LEPR: variants seen among roughly 807,000 people sequenced by gnomAD.
The protein encoded by LEPR is OB receptor.
Under a neutral mutation model 114.7 loss-of-function variants are expected in LEPR, and 56 were observed. The ratio of observed to expected loss-of-function variants is 0.49; its 90% confidence interval spans 0.39 to 0.61. The LOEUF (loss-of-function observed/expected upper bound fraction) is 0.61, where lower values mean the gene tolerates loss of function less well. Ranked by LOEUF, LEPR falls within the 20% of genes least tolerant of loss-of-function variation. The probability of loss-of-function intolerance (pLI) is 0.00; values close to 1 mark genes in which losing one functional copy is unlikely to be tolerated. For synonymous variants in LEPR, 443 were observed against 461.4 expected (o/e 0.96, Z 0.51); for missense variants, 1,202 against 1,352.9 (o/e 0.89, Z 1.75).
Position 65,604,648 on chromosome 1 carries a change from G to A in LEPR, c.1404-390G>A, listed in dbSNP as rs571079777. On this transcript the variant is annotated intron_variant, in intron 10 of 19. Coordinates refer to ENST00000349533, the MANE Select transcript of LEPR (RefSeq NM_002303.6). ...CTGTCTTTTAAACTTGGGGTCCCCAGTCCCTGGGCCACGGACCGGTACCTG... is the reference window on the plus strand; with the variant it reads ...CTGTCTTTTAAACTTGGGGTCCCCAATCCCTGGGCCACGGACCGGTACCTG... 4.3e-4 allele frequency among the ~76,000 whole-genome samples: 65 copies of A among 152,310 alleles called. 1 individual carries two copies. The highest frequency in any genetic ancestry group is 5.3e-4 in the Non-Finnish European group (36 of 68,022).
In LEPR at chr1:65,601,594, C is replaced by G. The variant is rs1452037419; in HGVS notation, c.1197C>G (p.Thr399=). Residue 399 remains threonine, a synonymous_variant, in exon 9 of 20, where the codon ACC becomes ACG. Transcript: ENST00000349533. ...TTACTTTTTTCAATCTGAATGAAACCAAACCTCGAGGAAAGTTTACCTATG... is the reference window on the plus strand; with the variant it reads ...TTACTTTTTTCAATCTGAATGAAACGAAACCTCGAGGAAAGTTTACCTATG... ...SKVTFFNLNE[T]KPRGKFTYDA... 6.2e-7 allele frequency: 1 copy of G among 1,613,506 alleles called. No individual in the cohort carries two copies. The highest frequency in any genetic ancestry group is 1.3e-5 in the African/African-American group (1 of 74,866).
chr1:65,498,470 A>G (rs908081393), intron 2 of LEPR, among the ~76,000 whole-genome samples: 10 of 152,152 alleles, frequency 6.6e-5, no homozygotes, highest in African/African-American at 2.4e-4. Context: ...GAGAGTGGTA[A>G]ATGCAGAGTA....
chr1:65,592,857 T>G lies in LEPR; in HGVS notation c.695T>G (p.Ile232Arg), dbSNP rs200960432. ...TCACCTCTAATGTCAGTTCAGCCCA[T>G]AAATATGGGTAAGTTATGCACTAAA... Reference protein sequence around the residue: ...FQSPLMSVQPINMVKPDPPLG... With the variant: ...FQSPLMSVQPRNMVKPDPPLG... The change falls in exon 6 of 20, where the codon ATA becomes AGA. Residue 232 changes from isoleucine (I) to arginine (R), a missense_variant. Physicochemically the swap from Ile to Arg is moderately conservative, Grantham distance 97. Transcript: ENST00000349533. 61 of 1,612,982 alleles carry G rather than the reference T, an allele frequency of 3.8e-5. No homozygotes were observed. In the Admixed American group the frequency reaches 1.0e-3, roughly 26 times the overall value.
chr1:65,465,124 C>T (rs923332451), intron 2 of LEPR, among the ~76,000 whole-genome samples: 4 of 152,046 alleles, frequency 2.6e-5, no homozygotes, highest in African/African-American at 9.7e-5. Context: ...GATAGGGTGT[C>T]GATTTTAGAT....
intron 2 of LEPR, among the ~76,000 whole-genome samples, chr1:65,449,860 ATCTT>A (rs1420745383): frequency 6.6e-6 from 1 of 151,802 alleles, no homozygotes; most frequent in Non-Finnish European, 1.5e-5. Context: ...TTGATTTTAT[ATCTT>A]TCTTCCTTTC....
Position 65,605,191 on chromosome 1 carries a change from A to G in LEPR, c.1557A>G (p.Leu519=). The change falls in exon 11 of 20, where the codon CTA becomes CTG. Residue 519 remains leucine (L), a synonymous_variant. Coordinates refer to ENST00000349533, the MANE Select transcript of LEPR (RefSeq NM_002303.6). ...YTMWIRINHS[L]GSLDSPPTCV... The stretch of plus-strand genomic sequence containing the variant: ...TGTGGATTAGGATCAATCACTCTCT[A>G]GGTTCACTTGACTCTCCACCAACAT... 1.9e-6 allele frequency: 3 copies of G among 1,614,122 alleles called. No individual in the cohort carries two copies. Among genetic ancestry groups the G allele is most frequent in the Non-Finnish European group, 2.5e-6 (3 of 1,180,010 alleles).
At chr1:65,522,197 A>T (rs556261773) in intron 2 of LEPR, among the ~76,000 whole-genome samples, 2 of 152,268 alleles carry the variant, frequency 1.3e-5, no homozygotes, top group East Asian at 3.9e-4. Flanking sequence ...TGTAGTGGAT[A>T]TATGTGCTTT....
rs780306196 is a variant in LEPR at position 65,616,001 on chromosome 1, A to G, written c.1996-7A>G. ...CTTAAACTAATCAATTTCTATATTT[A>G]CTACAGCCCCTGATGAAAAATGACT... On this transcript the variant is annotated splice_region_variant and splice_polypyrimidine_tract_variant and intron_variant, in intron 14 of 19. Coordinates refer to ENST00000349533, the MANE Select transcript of LEPR (RefSeq NM_002303.6). The G allele has an allele frequency of 6.2e-7, 1 of 1,614,114 alleles. No homozygotes were observed. Among genetic ancestry groups the G allele is most frequent in the Admixed American group, 1.7e-5 (1 of 60,020 alleles).
chr1:65,634,474 A>G, intron 19 of LEPR: 3 of 949,438 alleles, frequency 3.2e-6, no homozygotes, highest in Non-Finnish European at 3.8e-6. Flanking sequence ...GAAATTTTTT[A>G]AATGGATATA....
Position 65,633,079 on chromosome 1 carries a change from A to G in LEPR, c.2674-3112A>G. 1 of 1,138,178 alleles carries G rather than the reference A, an allele frequency of 8.8e-7. No individual in the cohort carries two copies. Among genetic ancestry groups the G allele is most frequent in the Non-Finnish European group, 1.3e-6 (1 of 767,086 alleles). The allele number at this position is 1,138,178 out of a possible 1,614,324, so 70.5% of individuals were successfully genotyped here. Reference sequence around the variant, plus strand: ...AACCCATGCTTGACAATGTTTTTTGAAATCTTTTATCTTTTTCTTTGTGAG... The same window carrying G: ...AACCCATGCTTGACAATGTTTTTTGGAATCTTTTATCTTTTTCTTTGTGAG... On this transcript the variant is annotated intron_variant, in intron 19 of 19. Coordinates refer to ENST00000349533, the MANE Select transcript of LEPR (RefSeq NM_002303.6). The surrounding 1 kb of genome is among the most constrained non-coding windows in gnomAD (Gnocchi z 4.1).
At chr1:65,517,771 A>G (rs1268219362) in intron 2 of LEPR, among the ~76,000 whole-genome samples, 2 of 152,220 alleles carry the variant, frequency 1.3e-5, no homozygotes, top group South Asian at 2.1e-4. Flanking sequence ...CTATTTAAAA[A>G]TATCTATGAT....
chr1:65,444,156 G>C, intron 2 of LEPR, among the ~76,000 whole-genome samples: 1 of 26,230 alleles, frequency 3.8e-5, no homozygotes, highest in Admixed American at 5.8e-4. Context: ...CCCTTCCTGT[G>C]TCCATGTGAT....
chr1:65,614,717 G>C (rs980323158), intron 14 of LEPR, among the ~76,000 whole-genome samples: 3 of 152,192 alleles, frequency 2.0e-5, no homozygotes, highest in African/African-American at 7.2e-5. Context: ...ATATAGGTAT[G>C]AACTTATATC....
At chr1:65,607,613 T>C (rs1656897260) in intron 11 of LEPR, among the ~76,000 whole-genome samples, 1 of 152,254 alleles carries the variant, frequency 6.6e-6, no homozygotes, top group Admixed American at 6.5e-5. Flanking sequence ...GACATGACTA[T>C]GTAAATGTAG....
chr1:65,583,086 A>C (rs1237202714), intron 5 of LEPR, among the ~76,000 whole-genome samples: 1 of 152,228 alleles, frequency 6.6e-6, no homozygotes, highest in East Asian at 1.9e-4. Flanking sequence ...AGACAGACAG[A>C]ACTGTGATTC....
rs1220757006 is a variant in LEPR, at chr1:65,640,662, C to T, written c.*3647C>T. 5 of 152,044 alleles carry T rather than the reference C, an allele frequency of 3.3e-5. No individual in the cohort carries two copies. Among genetic ancestry groups the T allele is most frequent in the Non-Finnish European group, 7.4e-5 (5 of 68,018 alleles). 9.4% of individuals were successfully genotyped at this position (152,044 alleles called of 1,614,324 possible). ...GGCGAACAACTTAAAACATGATCAG[C>T]CTGTATGAGAACTGGGATATTGTTA... is the stretch of plus-strand genomic sequence containing the variant. On this transcript the variant is annotated 3_prime_UTR_variant, in exon 20 of 20. Transcript: ENST00000349533.
chr1:65,628,177 T>G (rs1658329182), intron 19 of LEPR, among the ~76,000 whole-genome samples: 1 of 152,172 alleles, frequency 6.6e-6, no homozygotes. Context: ...TGATTAAAAA[T>G]AATTTTGCCA....
intron 2 of LEPR, among the ~76,000 whole-genome samples, chr1:65,481,998 G>A (rs1647256259): frequency 6.6e-6 from 1 of 151,908 alleles, no homozygotes; most frequent in South Asian, 2.1e-4. Context: ...TGATTAAAAA[G>A]TTTAGATAAG....
intron 8 of LEPR, among the ~76,000 whole-genome samples, chr1:65,600,069 T>C (rs1656341954): frequency 1.3e-5 from 2 of 152,160 alleles, no homozygotes; most frequent in Non-Finnish European, 2.9e-5. Context: ...AATTTTCTTG[T>C]CATCTTTAAA....
Sources: gnomAD v4.1 joint callset for allele counts (sites outside exome capture counted in the v4.1 genomes callset) on GRCh38, gnomAD v4.1.1 for gene constraint, Gnocchi (gnomAD v3.1) non-coding constraint, MANE v1.5 for transcripts, NCBI Gene and HGNC (gene_info 2026-07-23, HGNC 2026-07-21) for gene names.